FZR1: variants seen among roughly 807,000 people sequenced by gnomAD.
FZR1 encodes fizzy-related protein homolog.
A neutral mutation model predicts 63.6 loss-of-function variants in FZR1; 11 were observed. The ratio of observed to expected loss-of-function variants is 0.17; its 90% CI spans 0.11 to 0.29. The LOEUF is 0.29. Among genes scored for constraint, FZR1 ranks in the 10% least tolerant of loss-of-function variants. The pLI, the probability that FZR1 is intolerant of heterozygous loss-of-function variation, is 1.00. For missense variants in FZR1, 440 were observed against 687.5 expected (o/e 0.64, Z 4.03); for synonymous variants, 328 against 297.9 (o/e 1.10, Z -1.04).
intron 1 of FZR1, among the ~76,000 whole-genome samples, chr19:3,510,301 A>G (rs920711304): frequency 1.3e-5 from 2 of 151,872 alleles, no homozygotes; most frequent in Admixed American, 1.3e-4. Flanking sequence ...TACCTGGCTA[A>G]TGTTTGTATT....
chr19:3,506,520 C>A (rs1438375592), intron 1 of FZR1, 46 bp downstream of exon 1: 1 of 151,676 alleles, frequency 6.6e-6, no homozygotes, highest in East Asian at 2.0e-4. Flanking sequence ...CCCTAGGCGG[C>A]GGAGCTTGAC....
rs184350097 is a variant in FZR1 at position 3,525,663 on chromosome 19, T to C, written c.70-205T>C. ...TTCACAGTGTTAGCCAGGATGGTCT[T>C]GATCTCCTGACCTCGTGATCCGCCC... On this transcript the variant is annotated intron_variant, in intron 2 of 13. Coordinates refer to ENST00000441788, the MANE Select transcript of FZR1 (RefSeq NM_016263.4). This position sits in a 1 kb window ranked among gnomAD's most constrained non-coding sequence, Gnocchi z 4.2. Among the ~76,000 whole-genome samples, 30 of 152,140 alleles carry C rather than the reference T, an allele frequency of 2.0e-4. No homozygotes were observed. Among genetic ancestry groups the C allele is most frequent in the Non-Finnish European group, 2.6e-4 (18 of 67,988 alleles).
chr19:3,528,096 G>A (rs1320211791), intron 7 of FZR1, among the ~76,000 whole-genome samples: 1 of 152,016 alleles, frequency 6.6e-6, no homozygotes, highest in African/African-American at 2.4e-5. Context: ...AGTGGCATCT[G>A]CGGCAGCATG....
At chr19:3,524,717 G>A (rs1415882996) in intron 2 of FZR1, among the ~76,000 whole-genome samples, 2 of 152,156 alleles carry the variant, frequency 1.3e-5, no homozygotes, top group East Asian at 1.9e-4. Context: ...GGCTCCAGGG[G>A]AGGACCCTTC....
chr19:3,526,343 G>A lies in FZR1; in HGVS notation c.344G>A (p.Arg115His), dbSNP rs373146649. Residue 115 changes from arginine (R) to histidine (H), a missense_variant, in exon 5 of 14, where the codon CGC becomes CAC. Arg to His is a conservative substitution (Grantham distance 29). Transcript: ENST00000441788. This position sits in a 1 kb window ranked among gnomAD's most constrained non-coding sequence, Gnocchi z 5.4. ...EKVQDPQTED[R>H]RLQPSTPEKK... ...GTGCAGGACCCGCAGACTGAGGACC[G>A]CAGGCTGCAGCCCTCCACGCCTGAG... 1.8e-5 allele frequency: 29 copies of A among 1,599,390 alleles called. No individual in the cohort carries two copies. The highest frequency in any genetic ancestry group is 2.3e-5 in the East Asian group (1 of 43,962).
rs1358799712 is a variant in FZR1 at position 3,525,027 on chromosome 19, G to A, written c.70-841G>A. Among the ~76,000 whole-genome samples the A allele has an allele frequency of 6.6e-6, 1 of 152,088 alleles. No individual in the cohort carries two copies. The highest frequency in any genetic ancestry group is 1.9e-4 in the East Asian group (1 of 5,192). ...AACAGACCCCTCATAGAAAAAAGAC[G>A]GCGCGGGGACAGTCAGATGGGGTTG... is the stretch of plus-strand genomic sequence containing the variant. On this transcript the variant is annotated intron_variant, in intron 2 of 13. Coordinates refer to ENST00000441788, the MANE Select transcript of FZR1 (RefSeq NM_016263.4). The surrounding 1 kb of genome is among the most constrained non-coding windows in gnomAD (Gnocchi z 4.2).
In FZR1 at chr19:3,515,625, A is replaced by G. The variant is rs2083053332; in HGVS notation, c.-34-7331A>G. On this transcript the variant is annotated intron_variant, in intron 1 of 13. Coordinates refer to ENST00000441788, the MANE Select transcript of FZR1 (RefSeq NM_016263.4). The surrounding 1 kb of genome is among the most constrained non-coding windows in gnomAD (Gnocchi z 4.6). ...CTACTAAAAATACAAAAAATTAGGC[A>G]CTACAGTGGCGGGCCCCTGTAGTCC... is the stretch of plus-strand genomic sequence containing the variant. Among the ~76,000 whole-genome samples, 1 of 151,904 alleles carries G rather than the reference A, an allele frequency of 6.6e-6. No homozygotes were observed. Among genetic ancestry groups the G allele is most frequent in the Non-Finnish European group, 1.5e-5 (1 of 67,982 alleles).
intron 2 of FZR1, among the ~76,000 whole-genome samples, chr19:3,523,689 C>T (rs1046403260): frequency 2.0e-5 from 3 of 152,270 alleles, no homozygotes; most frequent in African/African-American, 7.2e-5. Context: ...ACGCCCAAGC[C>T]ATCATTCTCG....
chr19:3,512,498 G>T (rs535088778), intron 1 of FZR1, among the ~76,000 whole-genome samples: 1 of 152,276 alleles, frequency 6.6e-6, no homozygotes, highest in African/African-American at 2.4e-5. Flanking sequence ...GGCTGATCCC[G>T]TCGAAAGCCC....
chr19:3,509,793 G>A (rs755145033), intron 1 of FZR1, among the ~76,000 whole-genome samples: 1 of 152,206 alleles, frequency 6.6e-6, no homozygotes, highest in African/African-American at 2.4e-5. Flanking sequence ...CCTGCTCTTT[G>A]TCGTGGCTGA....
chr19:3,526,225 C>T lies in FZR1; in HGVS notation c.260-34C>T, dbSNP rs760827528. The T allele has an allele frequency of 8.1e-5, 131 of 1,611,198 alleles. 1 individual carries two copies. In the South Asian group the frequency reaches 1.4e-3, roughly 17 times the overall value. Reference sequence around the variant, plus strand: ...ATCCGCCCTGCAGGCCCCCACCCTGCCTTGCCCCGCCTCACTGTGCTTGGT... The same window carrying T: ...ATCCGCCCTGCAGGCCCCCACCCTGTCTTGCCCCGCCTCACTGTGCTTGGT... On this transcript the variant is annotated intron_variant, in intron 4 of 13. Transcript: ENST00000441788. The surrounding 1 kb of genome is among the most constrained non-coding windows in gnomAD (Gnocchi z 5.4).
At position 3,526,438 on chromosome 19, in the gene FZR1, CGGCCCCCCACCTCCCA is replaced by C; in HGVS notation, c.387+56_387+71del. On this transcript the variant is annotated intron_variant, in intron 5 of 13. Coordinates refer to ENST00000441788, the MANE Select transcript of FZR1 (RefSeq NM_016263.4). The surrounding 1 kb of genome is among the most constrained non-coding windows in gnomAD (Gnocchi z 5.4). ...GAGCTGGCTCCCAGTGCAGCCTCCCCGGCCCCCCACCTCCCAGGCACCAGCTCTGCCTCCCCGAGCC... is the reference window on the plus strand; with the variant it reads ...GAGCTGGCTCCCAGTGCAGCCTCCCCGGCACCAGCTCTGCCTCCCCGAGCC... 1.4e-6 allele frequency: 2 copies of C among 1,451,258 alleles called. No homozygotes were observed. The highest frequency in any genetic ancestry group is 1.9e-6 in the Non-Finnish European group (2 of 1,071,106). 89.9% of individuals were successfully genotyped at this position (1,451,258 alleles called of 1,614,324 possible). A position where few individuals can be genotyped will look rare whatever the true frequency, so the allele number is the denominator to read the frequency against.
At chr19:3,527,466 A>G (rs1393200519) in intron 6 of FZR1, among the ~76,000 whole-genome samples, 165 bp from the exon 7 acceptor site, 7 of 152,124 alleles carry the variant, frequency 4.6e-5, no homozygotes, top group African/African-American at 1.7e-4. Context: ...CCGAGGGTGA[A>G]GGCCTGTGGG....
At chr19:3,527,138 T>A in intron 6 of FZR1, 76 bp downstream of exon 6, 8 of 1,175,750 alleles carry the variant, frequency 6.8e-6, no homozygotes, top group Non-Finnish European at 1.0e-5. Context: ...CCCAGCTTCC[T>A]CCGCAGCCCT....
rs542594182 is a variant in FZR1, at chr19:3,516,433, C to T, written c.-34-6523C>T. On this transcript the variant is annotated intron_variant, in intron 1 of 13. Transcript: ENST00000441788. This position sits in a 1 kb window ranked among gnomAD's most constrained non-coding sequence, Gnocchi z 6.0. ...GGTGGTGTGTCTGCCCTGCGGACTC[C>T]CAATTTTCCCGGTGTTGAATTCCAC... Among the ~76,000 whole-genome samples the T allele has an allele frequency of 6.6e-6, 1 of 152,290 alleles. No individual in the cohort carries two copies. The highest frequency in any genetic ancestry group is 1.5e-5 in the Non-Finnish European group (1 of 68,028).
rs755637350 is a variant in FZR1 at position 3,531,898 on chromosome 19, A to C, written c.824-13A>C. ...GCAGGAGAGGCTCACCCCCGCTTCC[A>C]CCTGGCCTCCAGGGGCGCTGGCCTG... is the stretch of plus-strand genomic sequence containing the variant. On this transcript the variant is annotated splice_polypyrimidine_tract_variant and intron_variant, in intron 9 of 13. Transcript: ENST00000441788. 38 of 1,586,428 alleles carry C rather than the reference A, an allele frequency of 2.4e-5. No individual in the cohort carries two copies. The highest frequency in any genetic ancestry group is 6.9e-5 in the South Asian group (6 of 87,098).
Position 3,515,756 on chromosome 19 carries a change from A to C in FZR1, c.-34-7200A>C, listed in dbSNP as rs2083054355. 1.5e-5 allele frequency among the ~76,000 whole-genome samples: 2 copies of C among 135,748 alleles called. No individual in the cohort carries two copies. The highest frequency in any genetic ancestry group is 2.5e-4 in the South Asian group (1 of 3,944). 89.1% of individuals were successfully genotyped at this position (135,748 alleles called of 152,430 possible). On this transcript the variant is annotated intron_variant, in intron 1 of 13. Coordinates refer to ENST00000441788, the MANE Select transcript of FZR1 (RefSeq NM_016263.4). The surrounding 1 kb of genome is among the most constrained non-coding windows in gnomAD (Gnocchi z 4.6). ...AGTCCAGCCTGGGTGACAGAGCCAG[A>C]CTCCGTCTCTAAAAAAAAAAAAAAA...
chr19:3,522,471 A>G (rs574582537), intron 1 of FZR1, among the ~76,000 whole-genome samples: 11 of 152,226 alleles, frequency 7.2e-5, no homozygotes, highest in African/African-American at 2.2e-4. Flanking sequence ...TGGAGCTGTG[A>G]CTTGGTCTAC....
In FZR1 at chr19:3,533,327, C is replaced by A; in HGVS notation, c.1276C>A (p.Leu426Ile). 1 of 1,612,832 alleles carries A rather than the reference C, an allele frequency of 6.2e-7. No homozygotes were observed. The highest frequency in any genetic ancestry group is 1.1e-5 in the South Asian group (1 of 91,080). ...GCACGGCTACTCACAGAACCAGATC[C>A]TTGTCTGGAAGTACCCCTCCCTGAC... Reference protein sequence around the residue: ...STHGYSQNQILVWKYPSLTQV... With the variant: ...STHGYSQNQIIVWKYPSLTQV... Residue 426 changes from leucine (L) to isoleucine (I), a missense_variant, in exon 12 of 14, where the codon CTT becomes ATT. Leu to Ile is a conservative substitution (Grantham distance 5). This residue lies in a region of FZR1 where 208 missense variants were observed against 363.6 expected (regional missense o/e 0.57). Coordinates refer to ENST00000441788, the MANE Select transcript of FZR1 (RefSeq NM_016263.4). This position sits in a 1 kb window ranked among gnomAD's most constrained non-coding sequence, Gnocchi z 4.9.
Sources: allele counts gnomAD v4.1 joint callset (sites outside exome capture counted in the v4.1 genomes callset), GRCh38; gene constraint gnomAD v4.1.1; regional missense constraint gnomAD v4.1.1; non-coding constraint Gnocchi (gnomAD v3.1); transcripts MANE v1.5; gene names NCBI Gene and HGNC (gene_info 2026-07-23, HGNC 2026-07-21).